The following ANO6 variants were observed in gnomAD, a reference collection of about 807,000 sequenced individuals.
ANO6 encodes anoctamin-6.
A neutral mutation model predicts 117.5 loss-of-function variants in ANO6; 106 were observed. The ratio of observed to expected loss-of-function variants is 0.90; its 90% CI spans 0.77 to 1.06. The LOEUF (loss-of-function observed/expected upper bound fraction) is 1.06. ANO6 is among the 50% of genes least tolerant of loss of function. The pLI is 0.00. For synonymous variants in ANO6, 367 were observed against 385.1 expected, an observed-to-expected ratio of 0.95 and a Z score of 0.55; for missense variants, 955 against 1,121.1, an observed-to-expected ratio of 0.85 and a Z score of 2.12.
At chr12:45,276,480 G>C (rs1938558921) in intron 1 of ANO6, among the ~76,000 whole-genome samples, 1 of 151,846 alleles carries the variant, frequency 6.6e-6, no homozygotes, top group Non-Finnish European at 1.5e-5. Context: ...CTATGGTCTT[G>C]TTTTTTCTTT....
chr12:45,329,249 A>T (rs1266632624), intron 2 of ANO6, among the ~76,000 whole-genome samples: 1 of 152,086 alleles, frequency 6.6e-6, no homozygotes, highest in East Asian at 1.9e-4. Context: ...CAGGCTAGTG[A>T]TATTAGTTTC....
intron 2 of ANO6, among the ~76,000 whole-genome samples, chr12:45,324,324 A>G (rs910443350): frequency 2.6e-5 from 4 of 152,324 alleles, no homozygotes; most frequent in Admixed American, 6.5e-5. Flanking sequence ...AAGAACAGCC[A>G]TTCTTGTAAA....
At chr12:45,361,925 A>G (rs927089234) in intron 8 of ANO6, among the ~76,000 whole-genome samples, 6 of 152,092 alleles carry the variant, frequency 3.9e-5, no homozygotes, top group Admixed American at 6.6e-5. Flanking sequence ...TTTTCCATCT[A>G]TATTTGCAAG....
At chr12:45,291,369 A>C (rs968975764) in intron 1 of ANO6, among the ~76,000 whole-genome samples, 50 of 150,264 alleles carry the variant, frequency 3.3e-4, no homozygotes, top group East Asian at 7.8e-4. Context: ...AAAAAAAAAA[A>C]CACAAAGGAA....
intron 2 of ANO6, among the ~76,000 whole-genome samples, chr12:45,320,034 G>T (rs918204907): frequency 6.6e-6 from 1 of 152,186 alleles, no homozygotes; most frequent in Non-Finnish European, 1.5e-5. Flanking sequence ...CTTGCTAGCG[G>T]TCTATCAGTT....
At chr12:45,304,412 T>C (rs532868979) in intron 2 of ANO6, among the ~76,000 whole-genome samples, 1 of 152,124 alleles carries the variant, frequency 6.6e-6, no homozygotes, top group East Asian at 1.9e-4. Context: ...AGTACAAACC[T>C]GAGAGCAGAA....
At chr12:45,316,051 T>C (rs549512323) in intron 2 of ANO6, among the ~76,000 whole-genome samples, 2 of 152,224 alleles carry the variant, frequency 1.3e-5, no homozygotes, top group Non-Finnish European at 2.9e-5. Context: ...AAATCAGATT[T>C]ATTTATTTCT....
intron 7 of ANO6, among the ~76,000 whole-genome samples, chr12:45,352,727 C>CA (rs34198115): frequency 0.024 from 2,808 of 118,140 alleles, 219 homozygotes; most frequent in Admixed American, 0.17. Flanking sequence ...ACCCTGTCTC[C>CA]AAAAAAAAAA....
chr12:45,260,973 T>C (rs1463133202), intron 1 of ANO6, among the ~76,000 whole-genome samples: 2 of 151,866 alleles, frequency 1.3e-5, no homozygotes, highest in African/African-American at 4.8e-5. Flanking sequence ...TTTGTTTGTT[T>C]GTTTTGTTTT....
At chr12:45,248,076 G>T (rs1395445744) in intron 1 of ANO6, among the ~76,000 whole-genome samples, 11 of 152,116 alleles carry the variant, frequency 7.2e-5, no homozygotes, top group African/African-American at 2.7e-4. Flanking sequence ...ACAGATAAAA[G>T]ACTGACTTGG....
At chr12:45,256,822 A>G (rs1370346404) in intron 1 of ANO6, 1 of 152,218 alleles carries the variant, frequency 6.6e-6, no homozygotes, top group East Asian at 1.9e-4. Context: ...CTGAAGATAT[A>G]TTAATGTATT....
intron 19 of ANO6, among the ~76,000 whole-genome samples, chr12:45,427,021 C>T (rs978063005): frequency 5.9e-5 from 9 of 151,878 alleles, no homozygotes; most frequent in African/African-American, 2.2e-4. Context: ...TGTTCTCCTC[C>T]CAACCCAGCC....
At chr12:45,222,913 A>G (rs1947427439) in intron 1 of ANO6, among the ~76,000 whole-genome samples, 1 of 152,330 alleles carries the variant, frequency 6.6e-6, no homozygotes, top group East Asian at 1.9e-4. Context: ...CTTTTTGTCC[A>G]ATCACTTTTC....
At chr12:45,294,668 T>G (rs533854337) in intron 1 of ANO6, among the ~76,000 whole-genome samples, 66 of 152,362 alleles carry the variant, frequency 4.3e-4, no homozygotes, top group Admixed American at 9.8e-4. Flanking sequence ...GGTAAGAGAC[T>G]GATCCATCCA....
chr12:45,331,782 C>T (rs540172550), intron 3 of ANO6, among the ~76,000 whole-genome samples: 1 of 152,096 alleles, frequency 6.6e-6, no homozygotes, highest in Admixed American at 6.6e-5. Context: ...AACTAGCTTT[C>T]AATGTGTGCT....
chr12:45,278,054 C>G (rs4768598), intron 1 of ANO6, among the ~76,000 whole-genome samples: 5 of 151,928 alleles, frequency 3.3e-5, no homozygotes, highest in Admixed American at 3.3e-4. Flanking sequence ...CTAGCTCAAG[C>G]TATCCTCCCC....
At chr12:45,331,514 A>C in intron 3 of ANO6, 91 bp downstream of exon 3, 1 of 1,152,752 alleles carries the variant, frequency 8.7e-7, no homozygotes, top group Non-Finnish European at 1.2e-6. Flanking sequence ...AGTGAAACTG[A>C]TGTTGAAATA....
intron 1 of ANO6, among the ~76,000 whole-genome samples, chr12:45,279,375 A>G (rs1343306498): frequency 1.3e-5 from 2 of 152,142 alleles, no homozygotes; most frequent in African/African-American, 2.4e-5. Flanking sequence ...TGTCTCCCCA[A>G]ATTGTGTTAC....
At chr12:45,289,653 T>C (rs939436137) in intron 1 of ANO6, among the ~76,000 whole-genome samples, 3 of 152,216 alleles carry the variant, frequency 2.0e-5, no homozygotes, top group Admixed American at 2.0e-4. Context: ...AAATTTAGGA[T>C]TTACTTTCTG....
Sources: gnomAD v4.1 joint callset for allele counts (sites outside exome capture counted in the v4.1 genomes callset) on GRCh38, gnomAD v4.1.1 for gene constraint, MANE v1.5 for transcripts, NCBI Gene and HGNC (gene_info 2026-07-23, HGNC 2026-07-21) for gene names.